CXorf38: variants seen among roughly 807,000 people sequenced by gnomAD.
CXorf38 encodes the protein uncharacterized protein CXorf38.
CXorf38 carries 13 observed loss-of-function variants against 27.5 expected under a neutral mutation model. That is an observed-to-expected ratio of 0.47 (90% CI 0.31 to 0.75). CXorf38 has a LOEUF of 0.75. Among genes scored for constraint, CXorf38 ranks in the 30% least tolerant of loss-of-function variants. The probability of loss-of-function intolerance (pLI) is 0.05; values close to 1 mark genes in which losing one functional copy is unlikely to be tolerated. For missense variants in CXorf38, 240 were observed against 253.2 expected (o/e 0.95, Z 0.35); for synonymous variants, 100 against 99.8 (o/e 1.00, Z -0.01).
chrX:40,647,190 G>A lies in CXorf38; in HGVS notation c.217-49C>T, dbSNP rs368688784. On this transcript the variant is annotated intron_variant, in intron 1 of 6. Coordinates refer to ENST00000327877, the MANE Select transcript of CXorf38 (RefSeq NM_144970.3). ...GGGCCCAGGAGGGAGGGACGTCGCGGTGGGCCCCGCATCGCGGAGGGAACA... is the reference window on the plus strand; with the variant it reads ...GGGCCCAGGAGGGAGGGACGTCGCGATGGGCCCCGCATCGCGGAGGGAACA... The A allele has an allele frequency of 4.9e-4, 585 of 1,200,648 alleles. 1 individual carries two copies. The highest frequency in any genetic ancestry group is 6.4e-4 in the Non-Finnish European group (565 of 889,672).
intron 2 of CXorf38, among the ~76,000 whole-genome samples, chrX:40,645,702 G>C (rs1011811742): frequency 1.4e-4 from 15 of 110,692 alleles, no homozygotes; most frequent in African/African-American, 4.9e-4. Context: ...CTGCAGCCTC[G>C]ACTTCCCAGG....
In CXorf38 at chrX:40,629,019, G is replaced by GTTT; in HGVS notation, c.*1142_*1144dup. ...CAACCTAGTAGTAACAGTTTTTGGG[G>GTTT]TTTTTTTTTTTTTGAGACAGGGTCT... On this transcript the variant is annotated 3_prime_UTR_variant, in exon 7 of 7. Coordinates refer to ENST00000327877, the MANE Select transcript of CXorf38 (RefSeq NM_144970.3). The GTTT allele has an allele frequency of 1.9e-5, 2 of 104,250 alleles. No individual in the cohort carries two copies. Among genetic ancestry groups the GTTT allele is most frequent in the Non-Finnish European group, 3.9e-5 (2 of 50,636 alleles). The allele number at this position is 104,250 out of a possible 1,213,427, so 8.6% of individuals were successfully genotyped here. A position where few individuals can be genotyped will look rare whatever the true frequency, so the allele number is the denominator to read the frequency against.
At chrX:40,637,260 A>T in intron 3 of CXorf38, 104 bp from the exon 4 acceptor site, 2 of 592,254 alleles carry the variant, frequency 3.4e-6, no homozygotes, top group Non-Finnish European at 5.1e-6. Context: ...GTTAATTATA[A>T]AATCAACAAG....
chrX:40,647,175 G>A (rs769976840), intron 1 of CXorf38, 34 bp from the exon 2 acceptor site: 19 of 1,205,156 alleles, frequency 1.6e-5, no homozygotes, highest in Non-Finnish European at 3.4e-6. Flanking sequence ...GGGCCCAGGA[G>A]GGAGGGACGT....
At chrX:40,639,901 A>G in intron 2 of CXorf38, 1 of 129,201 alleles carries the variant, frequency 7.7e-6, no homozygotes, top group South Asian at 1.9e-4. Flanking sequence ...TATGGCACAG[A>G]CCCCCAAAAT....
intron 5 of CXorf38, among the ~76,000 whole-genome samples, chrX:40,635,293 A>C (rs1191872896): frequency 3.5e-5 from 4 of 113,393 alleles, no homozygotes; most frequent in Non-Finnish European, 7.5e-5. Context: ...GCACACCCAA[A>C]AAACCAGGGG....
rs915292926 is a variant in CXorf38 at position 40,628,223 on chromosome X, T to C, written c.*1941A>G. 8.9e-6 allele frequency: 1 copy of C among 112,151 alleles called. No individual in the cohort carries two copies. The highest frequency in any genetic ancestry group is 3.2e-5 in the African/African-American group (1 of 30,819). The allele number at this position is 112,151 out of a possible 1,213,427, so 9.2% of individuals were successfully genotyped here. On this transcript the variant is annotated 3_prime_UTR_variant, in exon 7 of 7. Coordinates refer to ENST00000327877, the MANE Select transcript of CXorf38 (RefSeq NM_144970.3). ...TTAAAGGAGGAAGTTACAGGCACAT[T>C]TGCACTCATCTGGGCTTTACAAAGT...
intron 2 of CXorf38, 27 bp downstream of exon 2, chrX:40,646,980 C>A: frequency 8.3e-7 from 1 of 1,203,477 alleles, no homozygotes. Flanking sequence ...GCCGCTTCCT[C>A]CTTCCGTCCC....
rs183212767 is a variant in CXorf38 at position 40,632,551 on chromosome X, T to C, written c.802-1778A>G. On this transcript the variant is annotated intron_variant, in intron 5 of 6. Transcript: ENST00000327877. The stretch of plus-strand genomic sequence containing the variant: ...TTAAGAGGTGTTCTGGCTGGGGTGA[T>C]TATTTTAGCTTGGGGTTGGGAGGAC... Among the ~76,000 whole-genome samples the C allele has an allele frequency of 2.6e-3, 288 of 110,221 alleles. 2 individuals carry two copies. The highest frequency in any genetic ancestry group is 9.3e-3 in the African/African-American group (282 of 30,378).
intron 5 of CXorf38, among the ~76,000 whole-genome samples, chrX:40,632,099 G>A (rs1054050780): frequency 2.7e-5 from 3 of 111,808 alleles, no homozygotes; most frequent in Non-Finnish European, 5.7e-5. Flanking sequence ...TAGGAACTGT[G>A]GGCACTGCAT....
chrX:40,647,335 G>A lies in CXorf38; in HGVS notation c.186C>T (p.Gly62=), dbSNP rs969457033. 13 of 1,108,358 alleles carry A rather than the reference G, an allele frequency of 1.2e-5. No homozygotes were observed. The highest frequency in any genetic ancestry group is 1.9e-5 in the African/African-American group (1 of 52,117). The allele number at this position is 1,108,358 out of a possible 1,213,427, so 91.3% of individuals were successfully genotyped here. ...GGGCGCGAGGGCTGCACCGTGAGCC[G>A]CCGCGGCAGACGGCGCGGGGCCCCA... ...PGLGPRAVCR[G]GSRCSPRARQ... The change falls in exon 1 of 7, where the codon GGC becomes GGT. Residue 62 remains glycine (G), a synonymous_variant. Coordinates refer to ENST00000327877, the MANE Select transcript of CXorf38 (RefSeq NM_144970.3).
chrX:40,641,091 C>A (rs1179931763), intron 2 of CXorf38, among the ~76,000 whole-genome samples: 1 of 110,765 alleles, frequency 9.0e-6, no homozygotes, highest in African/African-American at 3.3e-5. Context: ...GTCGCACACG[C>A]CTGTAGTACC....
intron 5 of CXorf38, among the ~76,000 whole-genome samples, chrX:40,632,193 C>T (rs990801389): frequency 9.0e-6 from 1 of 111,579 alleles, no homozygotes; most frequent in Non-Finnish European, 1.9e-5. Flanking sequence ...CGTGATGGCA[C>T]CAGCAGGGCC....
At position 40,628,451 on chromosome X, in the gene CXorf38, C is replaced by T. The variant is rs1037928103; in HGVS notation, c.*1713G>A. ...GGCAACTTGACCCAGTTAAGTACCA[C>T]TGGCCTTGGAAACAAGTAGATGCGG... On this transcript the variant is annotated 3_prime_UTR_variant, in exon 7 of 7. Transcript: ENST00000327877. 2 of 110,812 alleles carry T rather than the reference C, an allele frequency of 1.8e-5. No homozygotes were observed. Among genetic ancestry groups the T allele is most frequent in the Non-Finnish European group, 3.8e-5 (2 of 52,995 alleles). The allele number at this position is 110,812 out of a possible 1,213,427, so 9.1% of individuals were successfully genotyped here.
At chrX:40,645,930 A>ATTTT in intron 2 of CXorf38, among the ~76,000 whole-genome samples, 1 of 465 alleles carries the variant, frequency 2.2e-3, no homozygotes, top group Non-Finnish European at 2.6e-3. Context: ...AATTCCTTTC[A>ATTTT]TTTTTTTTTT....
chrX:40,639,669 T>C (rs1160932830), intron 2 of CXorf38: 1 of 115,154 alleles, frequency 8.7e-6, no homozygotes, highest in Non-Finnish European at 1.8e-5. Flanking sequence ...CTTATCTACT[T>C]CAAAGGATAT....
intron 2 of CXorf38, among the ~76,000 whole-genome samples, chrX:40,643,440 C>T (rs1928428707): frequency 8.9e-6 from 1 of 111,907 alleles, no homozygotes; most frequent in African/African-American, 3.2e-5. Flanking sequence ...TTCCCCAAAG[C>T]CCTGGCAACC....
Position 40,639,131 on chromosome X carries a change from A to G in CXorf38, c.352-3T>C, listed in dbSNP as rs1209987990. 1 of 1,208,902 alleles carries G rather than the reference A, an allele frequency of 8.3e-7. No individual in the cohort carries two copies. Among genetic ancestry groups the G allele is most frequent in the Non-Finnish European group, 1.1e-6 (1 of 893,618 alleles). ...GCTAGTCCTCGGGGCATGAAGGCCT[A>G]TAGCAAGGGAGGGAGGAGGGGGACC... On this transcript the variant is annotated splice_polypyrimidine_tract_variant and splice_region_variant and intron_variant, in intron 2 of 6. Transcript: ENST00000327877.
At chrX:40,632,904 T>A (rs1307687893) in intron 5 of CXorf38, among the ~76,000 whole-genome samples, 1 of 112,084 alleles carries the variant, frequency 8.9e-6, no homozygotes, top group East Asian at 2.8e-4. Context: ...TCCCTCCTTT[T>A]TAACTACATT....
Sources: gnomAD v4.1 joint callset for allele counts (sites outside exome capture counted in the v4.1 genomes callset) on GRCh38, gnomAD v4.1.1 for gene constraint, MANE v1.5 for transcripts, NCBI Gene and HGNC (gene_info 2026-07-23, HGNC 2026-07-21) for gene names.